PNPLA3: variants seen among roughly 807,000 people sequenced by gnomAD.
PNPLA3 encodes 1-acylglycerol-3-phosphate O-acyltransferase PNPLA3.
PNPLA3 carries 42 observed loss-of-function variants against 43.1 expected under a neutral mutation model. The ratio of observed to expected loss-of-function variants is 0.97; its 90% confidence interval spans 0.76 to 1.26. The LOEUF (loss-of-function observed/expected upper bound fraction) is 1.26. Among genes scored for constraint, PNPLA3 ranks in the 50% most tolerant of loss-of-function variants. The pLI, the probability that PNPLA3 is intolerant of heterozygous loss-of-function variation, is 0.00. For synonymous variants in PNPLA3, 272 were observed against 253.6 expected (o/e 1.07, Z -0.69); for missense variants, 647 against 621.4 (o/e 1.04, Z -0.44).
chr22:43,937,873 C>A (rs1304416068), intron 6 of PNPLA3, among the ~76,000 whole-genome samples: 2 of 152,036 alleles, frequency 1.3e-5, no homozygotes, highest in East Asian at 3.9e-4. Context: ...GATTGTGTAC[C>A]CCCCAGAATT....
chr22:43,941,206 C>T (rs2050028786), intron 7 of PNPLA3, among the ~76,000 whole-genome samples: 1 of 149,750 alleles, frequency 6.7e-6, no homozygotes, highest in African/African-American at 2.5e-5. Flanking sequence ...GGAATTCCAT[C>T]TTTCGTTCTA....
intron 6 of PNPLA3, among the ~76,000 whole-genome samples, chr22:43,938,875 G>C (rs2050013178): frequency 6.6e-6 from 1 of 152,232 alleles, no homozygotes; most frequent in African/African-American, 2.4e-5. Flanking sequence ...TGCCTGAGAA[G>C]TACCTAGGAG....
chr22:43,926,359 G>C (rs1452426031), intron 1 of PNPLA3, among the ~76,000 whole-genome samples: 1 of 152,210 alleles, frequency 6.6e-6, no homozygotes, highest in Admixed American at 6.5e-5. Context: ...AGATCAGCCT[G>C]AGAGGCCAGG....
chr22:43,942,916 A>C (rs1345392123), intron 7 of PNPLA3, among the ~76,000 whole-genome samples: 1 of 151,804 alleles, frequency 6.6e-6, no homozygotes, highest in Admixed American at 6.6e-5. Context: ...TGTTGCCCAG[A>C]CTTTTTCTTC....
chr22:43,927,098 T>G lies in PNPLA3; in HGVS notation c.351T>G (p.Ser117=), dbSNP rs148757338. ...TCATCTCCGGCAAAATAGGCATCTC[T>G]CTTACCAGAGTGTCTGATGGGGAAA... ...HQLISGKIGI[S]LTRVSDGENV... Residue 117 remains serine, a synonymous_variant, in exon 2 of 9, where the codon TCT becomes TCG. Transcript: ENST00000216180. 217 of 1,614,226 alleles carry G rather than the reference T, an allele frequency of 1.3e-4. No homozygotes were observed. In the African/African-American group the frequency reaches 1.9e-3, roughly 14 times the overall value.
At position 43,944,509 on chromosome 22, in the gene PNPLA3, G is replaced by A. The variant is rs545442072; in HGVS notation, c.1113-182G>A. On this transcript the variant is annotated intron_variant, in intron 7 of 8. Coordinates refer to ENST00000216180, the MANE Select transcript of PNPLA3 (RefSeq NM_025225.3). ...TCCCTTGAGCTTTCTTGAACCAGAA[G>A]TGGGCTCATTTTGCTTTAGAGATTT... is the stretch of plus-strand genomic sequence containing the variant. 5.3e-5 allele frequency among the ~76,000 whole-genome samples: 8 copies of A among 152,274 alleles called. No individual in the cohort carries two copies. In the South Asian group the frequency reaches 1.5e-3, roughly 28 times the overall value.
At chr22:43,929,545 A>G (rs1019788191) in intron 3 of PNPLA3, among the ~76,000 whole-genome samples, 1 of 149,664 alleles carries the variant, frequency 6.7e-6, no homozygotes, top group Non-Finnish European at 1.5e-5. Context: ...TGGAAGGTGG[A>G]GCTTTACTCT....
chr22:43,945,052 A>G (rs546104516), intron 8 of PNPLA3, among the ~76,000 whole-genome samples: 147 of 152,252 alleles, frequency 9.7e-4, no homozygotes, highest in Non-Finnish European at 1.2e-3. Context: ...TGCAGCATTG[A>G]TGGTGGAAGA....
Position 43,923,945 on chromosome 22 carries a change from T to G in PNPLA3, c.34T>G (p.Phe12Val). 1.3e-6 allele frequency: 2 copies of G among 1,581,042 alleles called. No individual in the cohort carries two copies. Among genetic ancestry groups the G allele is most frequent in the Non-Finnish European group, 8.5e-7 (1 of 1,172,122 alleles). Reference protein sequence around the residue: ...YDAERGWSLSFAGCGFLGFYH... With the variant: ...YDAERGWSLSVAGCGFLGFYH... ...CGCAGAGCGCGGCTGGAGCTTGTCC[T>G]TCGCGGGCTGCGGCTTCCTGGGCTT... is the stretch of plus-strand genomic sequence containing the variant. The change falls in exon 1 of 9, where the codon TTC (phenylalanine) becomes GTC (valine). Residue 12 changes from phenylalanine to valine, a missense_variant. Physicochemically the swap from Phe to Val is conservative, Grantham distance 50 (BLOSUM62 -1). Transcript: ENST00000216180.
rs756325486 is a variant in PNPLA3 at position 43,944,788 on chromosome 22, G to A, written c.1210G>A (p.Ala404Thr). 9.3e-6 allele frequency: 15 copies of A among 1,613,916 alleles called. No individual in the cohort carries two copies. Among genetic ancestry groups the A allele is most frequent in the Admixed American group, 3.3e-5 (2 of 59,994 alleles). Residue 404 changes from alanine (A) to threonine (T), a missense_variant, in exon 8 of 9, where the codon GCC (alanine) becomes ACC (threonine). Physicochemically the swap from Ala to Thr is moderately conservative, Grantham distance 58. Coordinates refer to ENST00000216180, the MANE Select transcript of PNPLA3 (RefSeq NM_025225.3). ...FTRVLMCLLP[A>T]SRSQMPVSSQ... is the part of the protein sequence containing the mutation. ...TCGAGTGCTGATGTGTCTGCTCCCC[G>A]CCTCCAGGTAAATACTTTGGCTGTG...
chr22:43,927,014 C>T lies in PNPLA3; in HGVS notation c.267C>T (p.Asn89=), dbSNP rs1037534028. ...TTGGCATCTTCCATCCATCCTTCAACTTAAGCAAGTTCCTCCGACAGGGTC... is the reference window on the plus strand; with the variant it reads ...TTGGCATCTTCCATCCATCCTTCAATTTAAGCAAGTTCCTCCGACAGGGTC... The part of the protein sequence containing the change: ...RNIGIFHPSF[N]LSKFLRQGLC... Residue 89 remains asparagine (N), a synonymous_variant, in exon 2 of 9, where the codon AAC becomes AAT. Transcript: ENST00000216180. 1 of 1,614,142 alleles carries T rather than the reference C, an allele frequency of 6.2e-7. No homozygotes were observed. The highest frequency in any genetic ancestry group is 8.5e-7 in the Non-Finnish European group (1 of 1,180,056).
intron 3 of PNPLA3, 27 bp downstream of exon 3, chr22:43,928,916 G>C (rs2146776780): frequency 6.3e-7 from 1 of 1,584,256 alleles, no homozygotes; most frequent in Non-Finnish European, 8.7e-7. Flanking sequence ...TGCTAGCGCT[G>C]AGTCCTGGGG....
rs780370762 is a variant in PNPLA3, at chr22:43,928,899, C to T, written c.486+10C>T. ...TTCCTTCAGAGGCGTGGTAAGTCGGCTTTCTCTGCTAGCGCTGAGTCCTGG... is the reference window on the plus strand; with the variant it reads ...TTCCTTCAGAGGCGTGGTAAGTCGGTTTTCTCTGCTAGCGCTGAGTCCTGG... On this transcript the variant is annotated intron_variant, in intron 3 of 8. Transcript: ENST00000216180. 13 of 1,605,070 alleles carry T rather than the reference C, an allele frequency of 8.1e-6. No individual in the cohort carries two copies. The highest frequency in any genetic ancestry group is 1.1e-5 in the Non-Finnish European group (13 of 1,171,770).
chr22:43,938,160 G>A, intron 6 of PNPLA3, among the ~76,000 whole-genome samples: 1 of 152,152 alleles, frequency 6.6e-6, no homozygotes, highest in Non-Finnish European at 1.5e-5. Context: ...TGTTTTATAA[G>A]CCACTCAGTT....
At position 43,923,997 on chromosome 22, in the gene PNPLA3, T is replaced by A; in HGVS notation, c.86T>A (p.Leu29Gln). 1 of 1,584,726 alleles carries A rather than the reference T, an allele frequency of 6.3e-7. No homozygotes were observed. Residue 29 changes from leucine to glutamine, a missense_variant, in exon 1 of 9, where the codon CTG becomes CAG. Physicochemically the swap from Leu to Gln is moderately radical, Grantham distance 113. Transcript: ENST00000216180. The stretch of plus-strand genomic sequence containing the variant: ...TACCACGTCGGGGCGACCCGCTGCC[T>A]GAGCGAGCACGCCCCGCACCTCCTC... Reference protein sequence around the residue: ...GFYHVGATRCLSEHAPHLLRD... With the variant: ...GFYHVGATRCQSEHAPHLLRD...
At chr22:43,924,136 G>C (rs751188708) in intron 1 of PNPLA3, 38 bp downstream of exon 1, 2 of 1,489,568 alleles carry the variant, frequency 1.3e-6, no homozygotes, top group South Asian at 2.6e-5. Flanking sequence ...CACGTGCGGA[G>C]TGGGTGCCCC....
At chr22:43,927,466 C>T (rs992215404) in intron 2 of PNPLA3, among the ~76,000 whole-genome samples, 9 of 146,024 alleles carry the variant, frequency 6.2e-5, no homozygotes, top group East Asian at 2.0e-4. Flanking sequence ...TACTCCAGCC[C>T]GGGTGACAGT....
chr22:43,939,951 T>A (rs2050020572), intron 6 of PNPLA3, 42 bp from the exon 7 acceptor site: 1 of 1,614,020 alleles, frequency 6.2e-7, no homozygotes, highest in African/African-American at 1.3e-5. Flanking sequence ...GTTTGGTTTT[T>A]CACAGTGGTG....
chr22:43,925,025 A>C (rs963830520), intron 1 of PNPLA3, among the ~76,000 whole-genome samples: 1 of 151,836 alleles, frequency 6.6e-6, no homozygotes, highest in African/African-American at 2.4e-5. Context: ...GGCATCCTCC[A>C]GGGCAGGCTA....
Sources: gnomAD v4.1 joint callset for allele counts (sites outside exome capture counted in the v4.1 genomes callset) on GRCh38, gnomAD v4.1.1 for gene constraint, MANE v1.5 for transcripts, NCBI Gene and HGNC (gene_info 2026-07-23, HGNC 2026-07-21) for gene names.